Variants in PKHD1L1 observed in about 807,000 individuals in gnomAD.
The protein encoded by PKHD1L1 is PKHD1 like 1, also known as fibrocystin-L.
PKHD1L1 carries 434 observed loss-of-function variants against 462.9 expected under a neutral mutation model. The ratio of observed to expected loss-of-function variants is 0.94; its 90% CI spans 0.87 to 1.02. The LOEUF (loss-of-function observed/expected upper bound fraction) is 1.02. Among genes scored for constraint, PKHD1L1 ranks in the 50% least tolerant of loss-of-function variants. The probability of loss-of-function intolerance (pLI) is 0.00; values close to 1 mark genes in which losing one functional copy is unlikely to be tolerated. For missense variants in PKHD1L1, 5,202 were observed against 5,096.1 expected (o/e 1.02, Z -0.63); for synonymous variants, 1,781 against 1,750.0 (o/e 1.02, Z -0.44).
In PKHD1L1 at chr8:109,481,470, T is replaced by A; in HGVS notation, c.9365T>A (p.Phe3122Tyr). The change falls in exon 56 of 78, where the codon TTT becomes TAT. Residue 3122 changes from phenylalanine to tyrosine, a missense_variant. Phe to Tyr is a conservative substitution (Grantham distance 22). Transcript: ENST00000378402. Reference protein sequence around the residue: ...RLIGGWEDNPFKGDLKIVLRG... With the variant: ...RLIGGWEDNPYKGDLKIVLRG... ...ATCGGTGGCTGGGAAGATAACCCTT[T>A]TAAAGGAGACTTAAAGATTGTTCTT... 6.2e-7 allele frequency: 1 copy of A among 1,600,268 alleles called. No homozygotes were observed. The highest frequency in any genetic ancestry group is 8.5e-7 in the Non-Finnish European group (1 of 1,172,568).
intron 11 of PKHD1L1, among the ~76,000 whole-genome samples, chr8:109,398,033 A>G (rs538286505): frequency 6.6e-6 from 1 of 152,114 alleles, no homozygotes; most frequent in Admixed American, 6.6e-5. Flanking sequence ...CATTTGAAGA[A>G]CTTGGACTAA....
At chr8:109,515,925 T>C (rs1820245298) in intron 72 of PKHD1L1, among the ~76,000 whole-genome samples, 1 of 152,148 alleles carries the variant, frequency 6.6e-6, no homozygotes, top group Non-Finnish European at 1.5e-5. Context: ...TCATCATCAT[T>C]TTCTGATATG....
intron 47 of PKHD1L1, among the ~76,000 whole-genome samples, chr8:109,461,048 G>T (rs1301677519): frequency 6.6e-6 from 1 of 152,150 alleles, no homozygotes; most frequent in African/African-American, 2.4e-5. Flanking sequence ...AGAAATAGAA[G>T]GGAAATGGAT....
chr8:109,475,347 C>A, intron 51 of PKHD1L1, 78 bp downstream of exon 51: 1 of 1,146,478 alleles, frequency 8.7e-7, no homozygotes, highest in Non-Finnish European at 1.2e-6. Context: ...TACTCACAGA[C>A]ATTGTCAGGC....
At chr8:109,503,299 CAA>C (rs1256449926) in intron 67 of PKHD1L1, among the ~76,000 whole-genome samples, 5 of 10,470 alleles carry the variant, frequency 4.8e-4, no homozygotes, top group African/African-American at 1.1e-3. Context: ...AAAACAAAAA[CAA>C]AAACAAAAAC....
intron 12 of PKHD1L1, 89 bp from the exon 13 acceptor site, chr8:109,399,987 A>C: frequency 7.3e-7 from 1 of 1,363,932 alleles, no homozygotes; most frequent in Non-Finnish European, 1.0e-6. Flanking sequence ...ATTGATATAC[A>C]AAATCTATAA....
At chr8:109,415,090 T>C (rs896720678) in intron 21 of PKHD1L1, among the ~76,000 whole-genome samples, 1 of 151,812 alleles carries the variant, frequency 6.6e-6, no homozygotes, top group Non-Finnish European at 1.5e-5. Context: ...CTTCACCTTC[T>C]GGGCTCAAGT....
chr8:109,379,659 A>G (rs1032792269), intron 2 of PKHD1L1, among the ~76,000 whole-genome samples: 9 of 152,200 alleles, frequency 5.9e-5, no homozygotes, highest in Non-Finnish European at 8.8e-5. Flanking sequence ...CCTGTTATCC[A>G]GAAATTGAAT....
chr8:109,370,604 C>G (rs1013457128), intron 2 of PKHD1L1, among the ~76,000 whole-genome samples: 1 of 151,770 alleles, frequency 6.6e-6, no homozygotes, highest in Non-Finnish European at 1.5e-5. Flanking sequence ...GTGTGCTGCA[C>G]CCATTAACTC....
At chr8:109,409,165 T>C (rs1813710034) in intron 18 of PKHD1L1, among the ~76,000 whole-genome samples, 1 of 152,204 alleles carries the variant, frequency 6.6e-6, no homozygotes, top group South Asian at 2.1e-4. Flanking sequence ...TTAGGAGACT[T>C]GTGAATATGT....
At chr8:109,486,551 C>G in intron 58 of PKHD1L1, 97 bp from the exon 59 acceptor site, 2 of 1,175,168 alleles carry the variant, frequency 1.7e-6, no homozygotes, top group African/African-American at 1.6e-5. Context: ...TCATTTTTGG[C>G]TTATTAGAAG....
At chr8:109,389,785 C>T (rs923899722) in intron 8 of PKHD1L1, among the ~76,000 whole-genome samples, 1 of 152,122 alleles carries the variant, frequency 6.6e-6, no homozygotes, top group Non-Finnish European at 1.5e-5. Flanking sequence ...GCCTCAGCCT[C>T]CCAAAGTGCT....
Position 109,464,534 on chromosome 8 carries a change from A to T in PKHD1L1, c.7702A>T (p.Asn2568Tyr), listed in dbSNP as rs145255048. Residue 2568 changes from asparagine (N) to tyrosine (Y), a missense_variant, in exon 49 of 78, where the codon AAC becomes TAC. Transcript: ENST00000378402. ...GGCTGCATTTTGGGTCACCAACCCG[A>T]ACAATACCATACGACACAATGCTGT... ...TPAAFWVTNP[N>Y]NTIRHNAVAG... 6.2e-7 allele frequency: 1 copy of T among 1,613,630 alleles called. No individual in the cohort carries two copies. Among genetic ancestry groups the T allele is most frequent in the Non-Finnish European group, 8.5e-7 (1 of 1,179,792 alleles).
intron 51 of PKHD1L1, 72 bp downstream of exon 51, chr8:109,475,341 CACAG>C: frequency 8.3e-7 from 1 of 1,200,634 alleles, no homozygotes. Context: ...CATACTTACT[CACAG>C]ACATTGTCAG....
In PKHD1L1 at chr8:109,427,100, G is replaced by A. The variant is rs943594054; in HGVS notation, c.2944G>A (p.Gly982Ser). The change falls in exon 25 of 78, where the codon GGC becomes AGC. Residue 982 changes from glycine (G) to serine (S), a missense_variant. This residue lies in a region of PKHD1L1 where 4,497 missense variants were observed against 4,336.8 expected (regional missense o/e 1.04). Transcript: ENST00000378402. ...AGTTACACGAGAGGGAACCTGTGCT[G>A]GCTACGCGTGGAACATCAAATGGAG... Reference protein sequence around the residue: ...ISVTREGTCAGYAWNIKWRST... With the variant: ...ISVTREGTCASYAWNIKWRST... 1 of 1,613,824 alleles carries A rather than the reference G, an allele frequency of 6.2e-7. No individual in the cohort carries two copies. The highest frequency in any genetic ancestry group is 8.5e-7 in the Non-Finnish European group (1 of 1,179,864).
chr8:109,511,555 C>T (rs13262564), intron 71 of PKHD1L1, among the ~76,000 whole-genome samples: 37 of 151,128 alleles, frequency 2.4e-4, no homozygotes, highest in East Asian at 1.4e-3. Context: ...TAGTATTCCA[C>T]GGTGTATATG....
intron 38 of PKHD1L1, among the ~76,000 whole-genome samples, chr8:109,447,547 T>G (rs1231867498): frequency 6.6e-6 from 1 of 152,228 alleles, no homozygotes. Flanking sequence ...AGCCAGAATC[T>G]AATTATTTGT....
chr8:109,434,977 A>G (rs1815321132), intron 28 of PKHD1L1, among the ~76,000 whole-genome samples: 2 of 151,960 alleles, frequency 1.3e-5, no homozygotes, highest in East Asian at 1.9e-4. Flanking sequence ...TGGTTTACCT[A>G]TTTTCTAGGA....
chr8:109,518,600 G>A, intron 73 of PKHD1L1, 92 bp downstream of exon 73: 3 of 1,101,204 alleles, frequency 2.7e-6, no homozygotes, highest in Non-Finnish European at 2.5e-6. Context: ...CCTGGCCTCA[G>A]GAAATCCCAT....
Sources: allele counts gnomAD v4.1 joint callset (sites outside exome capture counted in the v4.1 genomes callset), GRCh38; gene constraint gnomAD v4.1.1; regional missense constraint gnomAD v4.1.1; transcripts MANE v1.5; gene names NCBI Gene and HGNC (gene_info 2026-07-23, HGNC 2026-07-21).